Variants in CHCHD6 observed in about 807,000 individuals in gnomAD.
CHCHD6 encodes coiled-coil-helix-coiled-coil-helix domain containing 6.
Under a neutral mutation model 32.3 loss-of-function variants are expected in CHCHD6, and 28 were observed. The ratio of observed to expected loss-of-function variants is 0.87; its 90% CI spans 0.64 to 1.19. The LOEUF (loss-of-function observed/expected upper bound fraction) is 1.19, where lower values mean the gene tolerates loss of function less well. CHCHD6 is among the 50% of genes most tolerant of loss of function. The probability of loss-of-function intolerance (pLI) is 0.00; values close to 1 mark genes in which losing one functional copy is unlikely to be tolerated. For synonymous variants in CHCHD6, 122 were observed against 117.5 expected (o/e 1.04, Z -0.25); for missense variants, 333 against 307.0 (o/e 1.08, Z -0.63).
At chr3:126,725,675 G>A (rs1935495762) in intron 1 of CHCHD6, among the ~76,000 whole-genome samples, 1 of 152,198 alleles carries the variant, frequency 6.6e-6, no homozygotes. Flanking sequence ...GTTCTGTTTA[G>A]TATTGCTACC....
At chr3:126,742,260 C>T (rs1047411658) in intron 4 of CHCHD6, among the ~76,000 whole-genome samples, 2 of 152,234 alleles carry the variant, frequency 1.3e-5, no homozygotes, top group African/African-American at 4.8e-5. Context: ...CAGCCCAGGT[C>T]ATACTGGAGG....
intron 1 of CHCHD6, among the ~76,000 whole-genome samples, chr3:126,708,550 C>T (rs1164350361): frequency 6.6e-5 from 10 of 150,528 alleles, no homozygotes. Flanking sequence ...AAGCCAGGTG[C>T]AGTGGTATGT....
intron 6 of CHCHD6, among the ~76,000 whole-genome samples, chr3:126,917,415 G>A (rs2078187664): frequency 6.6e-6 from 1 of 152,196 alleles, no homozygotes; most frequent in Non-Finnish European, 1.5e-5. Context: ...GATGGCAGCA[G>A]GGTGGAGCTC....
intron 4 of CHCHD6, among the ~76,000 whole-genome samples, chr3:126,851,860 G>A (rs1191994939): frequency 6.6e-6 from 1 of 152,200 alleles, no homozygotes; most frequent in Non-Finnish European, 1.5e-5. Flanking sequence ...CATGCCTGAG[G>A]AAGCTGGAGG....
At chr3:126,736,261 T>C (rs1936040064) in intron 4 of CHCHD6, among the ~76,000 whole-genome samples, 1 of 152,260 alleles carries the variant, frequency 6.6e-6, no homozygotes. Flanking sequence ...GGCAGCCTGC[T>C]GCGTGGAGTG....
intron 4 of CHCHD6, among the ~76,000 whole-genome samples, chr3:126,815,448 T>C (rs1389882628): frequency 1.3e-5 from 2 of 152,212 alleles, no homozygotes; most frequent in Admixed American, 6.5e-5. Flanking sequence ...TGTGCCCTTG[T>C]GGATCCCAGC....
chr3:126,901,104 C>G (rs2077920519), intron 5 of CHCHD6, among the ~76,000 whole-genome samples: 1 of 152,132 alleles, frequency 6.6e-6, no homozygotes, highest in Admixed American at 6.5e-5. Context: ...GCACTTGGCA[C>G]AGAGCAGGTG....
chr3:126,805,424 C>A (rs1211920005), intron 4 of CHCHD6, among the ~76,000 whole-genome samples: 1 of 151,924 alleles, frequency 6.6e-6, no homozygotes, highest in Non-Finnish European at 1.5e-5. Flanking sequence ...AACAGAGAGC[C>A]AAATCATGAG....
intron 6 of CHCHD6, among the ~76,000 whole-genome samples, chr3:126,920,403 A>G (rs1055331947): frequency 1.3e-5 from 2 of 151,934 alleles, no homozygotes; most frequent in Non-Finnish European, 2.9e-5. Flanking sequence ...GTCTGGAAAG[A>G]TGACAGAGGT....
At chr3:126,764,161 A>G (rs895013784) in intron 4 of CHCHD6, among the ~76,000 whole-genome samples, 3 of 147,386 alleles carry the variant, frequency 2.0e-5, no homozygotes, top group African/African-American at 7.5e-5. Context: ...AAATATATAT[A>G]TACACACACA....
chr3:126,913,582 T>C (rs60014822), intron 5 of CHCHD6, among the ~76,000 whole-genome samples: 8,567 of 152,194 alleles, frequency 0.056, 302 homozygotes, highest in East Asian at 0.16. Flanking sequence ...ACATCTGCTG[T>C]ACCTTCCTCA....
intron 4 of CHCHD6, among the ~76,000 whole-genome samples, chr3:126,790,781 G>A (rs566855811): frequency 6.6e-6 from 1 of 152,240 alleles, no homozygotes; most frequent in South Asian, 2.1e-4. Flanking sequence ...TCCTCCTTTA[G>A]CTCAGAGAAG....
At chr3:126,790,657 A>G (rs1047398309) in intron 4 of CHCHD6, among the ~76,000 whole-genome samples, 2 of 152,094 alleles carry the variant, frequency 1.3e-5, no homozygotes. Context: ...TTCTTGTGCC[A>G]TGGTTTTCAG....
intron 4 of CHCHD6, among the ~76,000 whole-genome samples, chr3:126,825,371 A>T (rs1940344804): frequency 6.6e-6 from 1 of 152,168 alleles, no homozygotes; most frequent in Admixed American, 6.5e-5. Context: ...TGCGCTTGAA[A>T]GTAACGTGAT....
intron 5 of CHCHD6, among the ~76,000 whole-genome samples, chr3:126,870,994 A>T (rs555627723): frequency 6.6e-6 from 1 of 152,250 alleles, no homozygotes; most frequent in East Asian, 1.9e-4. Context: ...CTCTTTAGTG[A>T]GTGAATTCTG....
At chr3:126,823,991 CAT>C (rs1491122501) in intron 4 of CHCHD6, among the ~76,000 whole-genome samples, 3 of 152,170 alleles carry the variant, frequency 2.0e-5, no homozygotes, top group Non-Finnish European at 4.4e-5. Flanking sequence ...AGGAGGTTCA[CAT>C]GAGTCCTGGA....
chr3:126,882,493 T>C (rs1559901430), intron 5 of CHCHD6, among the ~76,000 whole-genome samples: 1 of 152,246 alleles, frequency 6.6e-6, no homozygotes, highest in Non-Finnish European at 1.5e-5. Context: ...CTCCAATTCA[T>C]TTTCTCAGAT....
At chr3:126,762,508 T>C (rs1937200928) in intron 4 of CHCHD6, among the ~76,000 whole-genome samples, 1 of 152,224 alleles carries the variant, frequency 6.6e-6, no homozygotes, top group Non-Finnish European at 1.5e-5. Flanking sequence ...CTTCTTATGA[T>C]TTCTGTCTTC....
chr3:126,792,153 A>G (rs549849809), intron 4 of CHCHD6, among the ~76,000 whole-genome samples: 2 of 151,648 alleles, frequency 1.3e-5, no homozygotes, highest in South Asian at 2.1e-4. Flanking sequence ...CCTTTTGGCT[A>G]TTGTGAATGA....
Sources: allele counts gnomAD v4.1 joint callset (sites outside exome capture counted in the v4.1 genomes callset), GRCh38; gene constraint gnomAD v4.1.1; transcripts MANE v1.5; gene names NCBI Gene and HGNC (gene_info 2026-07-23, HGNC 2026-07-21).